CDH23: variants seen among roughly 807,000 people sequenced by gnomAD.
The protein encoded by CDH23 is cadherin related 23.
Under a neutral mutation model 317.1 loss-of-function variants are expected in CDH23, and 189 were observed. That is an observed-to-expected ratio of 0.60 (90% CI 0.53 to 0.67). CDH23 has a LOEUF of 0.67. Ranked by LOEUF, CDH23 falls within the 30% of genes least tolerant of loss-of-function variation. The pLI, the probability that CDH23 is intolerant of heterozygous loss-of-function variation, is 0.00. For synonymous variants in CDH23, 1,839 were observed against 1,876.8 expected, an observed-to-expected ratio of 0.98 and a Z score of 0.52; for missense variants, 4,401 against 4,592.4, an observed-to-expected ratio of 0.96 and a Z score of 1.20.
chr10:71,483,878 T>A (rs1415957451), intron 3 of CDH23, among the ~76,000 whole-genome samples: 1 of 152,092 alleles, frequency 6.6e-6, no homozygotes, highest in African/African-American at 2.4e-5. Context: ...CACACACATG[T>A]TCACTCTCCC....
intron 3 of CDH23, among the ~76,000 whole-genome samples, chr10:71,480,144 G>T (rs1385108652): frequency 1.3e-5 from 2 of 152,218 alleles, no homozygotes; most frequent in Non-Finnish European, 2.9e-5. Context: ...ATTTCCTCCT[G>T]TGGCCCATTG....
intron 9 of CDH23, among the ~76,000 whole-genome samples, chr10:71,608,678 C>T (rs1860673266): frequency 3.9e-5 from 6 of 152,218 alleles, no homozygotes; most frequent in Admixed American, 3.9e-4. Flanking sequence ...TCCTCAAGGC[C>T]ACGCTGGGTC....
At chr10:71,660,619 G>A (rs7914670) in intron 14 of CDH23, among the ~76,000 whole-genome samples, 3,170 of 151,998 alleles carry the variant, frequency 0.021, 106 homozygotes, top group African/African-American at 0.072. Flanking sequence ...TCAAAATTTC[G>A]TCTCACATGG....
chr10:71,514,539 G>A (rs1233206359), intron 6 of CDH23, among the ~76,000 whole-genome samples: 1 of 152,132 alleles, frequency 6.6e-6, no homozygotes, highest in East Asian at 1.9e-4. Context: ...CCTCTCCTTG[G>A]CCCCCACTCC....
chr10:71,637,432 T>C (rs190315396), intron 11 of CDH23, among the ~76,000 whole-genome samples: 1 of 152,284 alleles, frequency 6.6e-6, no homozygotes, highest in Admixed American at 6.5e-5. Context: ...CCGTCCCAGA[T>C]GCTTGACCAA....
Position 71,811,772 on chromosome 10 carries a change from G to A in CDH23, c.9319+19G>A. 8.3e-6 allele frequency: 13 copies of A among 1,564,122 alleles called. No individual in the cohort carries two copies. The highest frequency in any genetic ancestry group is 1.4e-5 in the African/African-American group (1 of 73,578). ...TCAGCTGGTAAGTGAGGGCCATAGTGGGGACACAGGTGAGAAGGCAGTGGG... is the reference window on the plus strand; with the variant it reads ...TCAGCTGGTAAGTGAGGGCCATAGTAGGGACACAGGTGAGAAGGCAGTGGG... On this transcript the variant is annotated intron_variant, in intron 65 of 69. Transcript: ENST00000224721.
At chr10:71,797,960 G>C (rs1009101022) in intron 49 of CDH23, among the ~76,000 whole-genome samples, 3 of 152,186 alleles carry the variant, frequency 2.0e-5, no homozygotes, top group Admixed American at 2.0e-4. Flanking sequence ...TTTTCCGGAA[G>C]GAAGGGCAGA....
intron 3 of CDH23, among the ~76,000 whole-genome samples, chr10:71,461,188 G>A (rs966003153): frequency 2.0e-5 from 3 of 152,224 alleles, no homozygotes; most frequent in Non-Finnish European, 4.4e-5. Flanking sequence ...CAGGAGACAG[G>A]GAAGAGTCCA....
intron 6 of CDH23, among the ~76,000 whole-genome samples, chr10:71,525,744 G>C (rs1290358632): frequency 6.6e-6 from 1 of 152,180 alleles, no homozygotes; most frequent in Non-Finnish European, 1.5e-5. Flanking sequence ...TTCAGCGGGG[G>C]CCTGAGCATC....
intron 9 of CDH23, among the ~76,000 whole-genome samples, chr10:71,603,202 C>A (rs1032769329): frequency 2.0e-5 from 3 of 152,140 alleles, no homozygotes; most frequent in Admixed American, 1.3e-4. Flanking sequence ...GCGCGTGCCC[C>A]CTCCTCCTGC....
rs1053306961 is a variant in CDH23 at position 71,569,571 on chromosome 10, A to G, written c.625-1219A>G. On this transcript the variant is annotated intron_variant, in intron 7 of 69. Coordinates refer to ENST00000224721, the MANE Select transcript of CDH23 (RefSeq NM_022124.6). ...GTTACTCAGCAAATTAAGAGACCGAACTGATGTTAGAGCCCCAAGTCAAAA... is the reference window on the plus strand; with the variant it reads ...GTTACTCAGCAAATTAAGAGACCGAGCTGATGTTAGAGCCCCAAGTCAAAA... Among the ~76,000 whole-genome samples, 8 of 152,314 alleles carry G rather than the reference A, an allele frequency of 5.3e-5. 2 individuals carry two copies. The highest frequency in any genetic ancestry group is 4.6e-4 in the Admixed American group (7 of 15,304).
At chr10:71,673,446 G>T (rs1864230293) in intron 14 of CDH23, among the ~76,000 whole-genome samples, 1 of 152,198 alleles carries the variant, frequency 6.6e-6, no homozygotes, top group Non-Finnish European at 1.5e-5. Context: ...GGAACCTGGG[G>T]GTGGGAAGGA....
chr10:71,808,700 C>T (rs1291071098), intron 60 of CDH23, among the ~76,000 whole-genome samples: 1 of 152,122 alleles, frequency 6.6e-6, no homozygotes, highest in Non-Finnish European at 1.5e-5. Context: ...CTGTATGCCT[C>T]GTCTGTGGCC....
chr10:71,791,567 T>C (rs934631527), intron 47 of CDH23, among the ~76,000 whole-genome samples: 1 of 151,586 alleles, frequency 6.6e-6, no homozygotes, highest in Non-Finnish European at 1.5e-5. Context: ...TTCTTTCTTT[T>C]TCTTTTCTTT....
intron 38 of CDH23, among the ~76,000 whole-genome samples, chr10:71,746,430 G>A (rs569471051): frequency 3.3e-5 from 5 of 152,300 alleles, no homozygotes; most frequent in Middle Eastern, 3.4e-3. Flanking sequence ...CATATCACCC[G>A]AACTCGGAAC....
rs201434373 is a variant in CDH23, at chr10:71,798,435, G to A, written c.6911G>A (p.Arg2304Gln). ...KPFGITYYMERILEGATPGTT... is the reference protein window; with the variant it reads ...KPFGITYYMEQILEGATPGTT... Reference sequence around the variant, plus strand: ...TTTGGGATCACCTACTACATGGAGCGGATCCTGGAGGGGGCCACCCCTGGG... The same window carrying A: ...TTTGGGATCACCTACTACATGGAGCAGATCCTGGAGGGGGCCACCCCTGGG... The change falls in exon 50 of 70, where the codon CGG (arginine) becomes CAG (glutamine). Residue 2304 changes from arginine to glutamine, a missense_variant. Around this residue, in one of 3 missense-constraint regions of CDH23, gnomAD observed 3,068 missense variants for 3,203.3 expected, o/e 0.96. Coordinates refer to ENST00000224721, the MANE Select transcript of CDH23 (RefSeq NM_022124.6). The A allele has an allele frequency of 9.8e-5, 158 of 1,613,948 alleles. No individual in the cohort carries two copies. In the East Asian group the frequency reaches 1.5e-3, roughly 15 times the overall value.
chr10:71,811,276 G>A (rs1043180259), intron 62 of CDH23, 39 bp from the exon 63 acceptor site: 2 of 1,613,338 alleles, frequency 1.2e-6, no homozygotes, highest in Non-Finnish European at 8.5e-7. Context: ...GTGGGGGAAT[G>A]GCTGAGGAGG....
intron 42 of CDH23, 109 bp from the exon 43 acceptor site, chr10:71,784,782 C>G: frequency 3.7e-6 from 3 of 806,694 alleles, no homozygotes; most frequent in Non-Finnish European, 6.4e-6. Context: ...CCATGACCAA[C>G]TGCACCCTCC....
At chr10:71,773,548 G>C in intron 38 of CDH23, 1 of 1,125,102 alleles carries the variant, frequency 8.9e-7, no homozygotes, top group Non-Finnish European at 1.2e-6. Context: ...CGCTGCGGGC[G>C]GCCCCAGCGC....
Sources: gnomAD v4.1 joint callset for allele counts (sites outside exome capture counted in the v4.1 genomes callset) on GRCh38, gnomAD v4.1.1 for gene constraint, gnomAD v4.1.1 regional missense constraint, MANE v1.5 for transcripts, NCBI Gene and HGNC (gene_info 2026-07-23, HGNC 2026-07-21) for gene names.